The following DPP10 variants were observed in gnomAD, a reference collection of about 807,000 sequenced individuals.
DPP10 encodes dipeptidyl peptidase like 10, also known as inactive dipeptidyl peptidase 10.
A neutral mutation model predicts 120.9 loss-of-function variants in DPP10; 33 were observed. That is an observed-to-expected ratio of 0.27 (90% CI 0.21 to 0.37). The LOEUF is 0.37. Ranked by LOEUF, DPP10 falls within the 10% of genes least tolerant of loss-of-function variation. The pLI is 1.00. For missense variants in DPP10, 816 were observed against 942.8 expected, an observed-to-expected ratio of 0.87 and a Z score of 1.76; for synonymous variants, 337 against 326.1, an observed-to-expected ratio of 1.03 and a Z score of -0.36.
At chr2:115,566,571 C>T (rs1246605252) in intron 5 of DPP10, among the ~76,000 whole-genome samples, 1 of 152,074 alleles carries the variant, frequency 6.6e-6, no homozygotes, top group African/African-American at 2.4e-5. Context: ...AAGCTGGCTC[C>T]TGTGTCTTTC....
intron 2 of DPP10, among the ~76,000 whole-genome samples, chr2:115,309,846 A>C (rs1287280053): frequency 1.3e-5 from 2 of 152,098 alleles, no homozygotes; most frequent in Non-Finnish European, 2.9e-5. Context: ...TCTTTCCTAA[A>C]GTTTTTACAT....
chr2:115,669,038 T>C (rs987417099), intron 5 of DPP10, among the ~76,000 whole-genome samples: 3 of 152,124 alleles, frequency 2.0e-5, no homozygotes, highest in Non-Finnish European at 4.4e-5. Flanking sequence ...TTGCTGCTAT[T>C]TTGCAAGTGG....
chr2:115,032,408 A>T (rs1703902488), intron 1 of DPP10, among the ~76,000 whole-genome samples: 1 of 152,224 alleles, frequency 6.6e-6, no homozygotes, highest in South Asian at 2.1e-4. Context: ...AGAGAGATTT[A>T]AAAGTCTTTG....
intron 2 of DPP10, chr2:115,342,263 G>T (rs1156793611): frequency 2.5e-6 from 1 of 394,110 alleles, no homozygotes; most frequent in Non-Finnish European, 5.0e-6. Flanking sequence ...TAGTGGTGCA[G>T]TGGTGCGATC....
At chr2:115,649,890 A>T (rs2149373946) in intron 5 of DPP10, among the ~76,000 whole-genome samples, 1 of 152,202 alleles carries the variant, frequency 6.6e-6, no homozygotes, top group East Asian at 1.9e-4. Context: ...ACCTACAAAG[A>T]GGGCTGGCTG....
intron 1 of DPP10, among the ~76,000 whole-genome samples, chr2:115,003,512 A>C (rs1485698147): frequency 1.3e-5 from 2 of 152,176 alleles, no homozygotes; most frequent in African/African-American, 4.8e-5. Context: ...CCCTAAATCT[A>C]AAATAAAAGT....
intron 1 of DPP10, among the ~76,000 whole-genome samples, chr2:114,738,767 G>T (rs1677721565): frequency 6.6e-6 from 1 of 152,184 alleles, no homozygotes; most frequent in Non-Finnish European, 1.5e-5. Flanking sequence ...TGGCTGCTCT[G>T]CCCAAGAGCC....
intron 19 of DPP10, among the ~76,000 whole-genome samples, chr2:115,792,097 A>G (rs1211556020): frequency 4.6e-5 from 7 of 152,176 alleles, no homozygotes; most frequent in African/African-American, 1.7e-4. Flanking sequence ...TATTATGATC[A>G]CTGAGTATAG....
chr2:114,526,754 A>G (rs1251398455), intron 1 of DPP10, among the ~76,000 whole-genome samples: 1 of 152,070 alleles, frequency 6.6e-6, no homozygotes, highest in Non-Finnish European at 1.5e-5. Context: ...CACTAATCCC[A>G]TTTATGAAGT....
At chr2:115,686,860 C>T (rs1198373368) in intron 5 of DPP10, among the ~76,000 whole-genome samples, 1 of 151,962 alleles carries the variant, frequency 6.6e-6, no homozygotes, top group Admixed American at 6.6e-5. Context: ...TAATTTTTGG[C>T]TATGAAATTT....
intron 1 of DPP10, among the ~76,000 whole-genome samples, chr2:114,679,074 G>A (rs550789689): frequency 6.6e-6 from 1 of 152,096 alleles, no homozygotes; most frequent in Admixed American, 6.6e-5. Flanking sequence ...TATTGTCCAC[G>A]GAGCTGGAAT....
chr2:114,779,919 G>A (rs1452026091), intron 1 of DPP10, among the ~76,000 whole-genome samples: 3 of 152,016 alleles, frequency 2.0e-5, no homozygotes, highest in Admixed American at 6.5e-5. Context: ...GGCGGATCAC[G>A]AGGTCAGGAG....
intron 1 of DPP10, among the ~76,000 whole-genome samples, chr2:114,783,255 G>T (rs1245196682): frequency 2.6e-5 from 4 of 151,854 alleles, no homozygotes; most frequent in African/African-American, 7.3e-5. Context: ...AAAAAGGAAA[G>T]GTGCTTAAAG....
Position 114,821,449 on chromosome 2 carries a change from G to A in DPP10, c.60+378611G>A, listed in dbSNP as rs571496520. ...CTTCTAGACAAGAAGCATTTTTGCA[G>A]CTGCTTTAAAAGAAACGAAAACTTT... On this transcript the variant is annotated intron_variant, in intron 1 of 25. Transcript: ENST00000410059. Among the ~76,000 whole-genome samples the A allele has an allele frequency of 2.6e-5, 4 of 152,270 alleles. No individual in the cohort carries two copies. In the South Asian group the frequency reaches 8.3e-4, roughly 32 times the overall value.
intron 1 of DPP10, among the ~76,000 whole-genome samples, chr2:114,587,793 G>A (rs1428817421): frequency 6.6e-6 from 1 of 152,200 alleles, no homozygotes; most frequent in Admixed American, 6.5e-5. Context: ...AGTTAGCATG[G>A]TGGGAGCACA....
chr2:114,511,079 G>A (rs1684107895), intron 1 of DPP10, among the ~76,000 whole-genome samples: 1 of 152,184 alleles, frequency 6.6e-6, no homozygotes, highest in Admixed American at 6.5e-5. Flanking sequence ...GAGGATAAGA[G>A]TGGGGACTAA....
At chr2:115,742,636 G>GTAACT (rs1677429726) in intron 9 of DPP10, among the ~76,000 whole-genome samples, 5 of 152,082 alleles carry the variant, frequency 3.3e-5, no homozygotes, top group African/African-American at 1.2e-4. Flanking sequence ...GTATCATTTT[G>GTAACT]GGTATGTTAC....
chr2:114,665,010 A>AAAAGATGGCACAGAGCATC (rs1470271118), intron 1 of DPP10, among the ~76,000 whole-genome samples: 13,274 of 126,284 alleles, frequency 0.11, 1,507 homozygotes, highest in African/African-American at 0.29. Flanking sequence ...CACAGAGCAT[A>AAAAGATGGCACAGAGCATC]CAAAAGATGG....
At chr2:114,766,778 G>A (rs1680740566) in intron 1 of DPP10, among the ~76,000 whole-genome samples, 1 of 152,034 alleles carries the variant, frequency 6.6e-6, no homozygotes. Context: ...TTGCCAGGGG[G>A]GCAGAGATAG....
Sources: gnomAD v4.1 joint callset for allele counts (sites outside exome capture counted in the v4.1 genomes callset) on GRCh38, gnomAD v4.1.1 for gene constraint, MANE v1.5 for transcripts, NCBI Gene and HGNC (gene_info 2026-07-23, HGNC 2026-07-21) for gene names.